PTPRE: variants seen among roughly 807,000 people sequenced by gnomAD.
The protein encoded by PTPRE is receptor-type tyrosine-protein phosphatase epsilon.
In PTPRE, 51 loss-of-function variants were observed where a neutral mutation model predicts 102.0. The observed-to-expected ratio is 0.50, with a 90% CI of 0.40 to 0.63. The LOEUF (loss-of-function observed/expected upper bound fraction) is 0.63, where lower values mean the gene tolerates loss of function less well. Among genes scored for constraint, PTPRE ranks in the 30% least tolerant of loss-of-function variants. The pLI is 0.00. For synonymous variants in PTPRE, 345 were observed against 348.2 expected (o/e 0.99, Z 0.10); for missense variants, 752 against 915.1 (o/e 0.82, Z 2.30).
Position 127,976,548 on chromosome 10 carries a change from T to C in PTPRE, c.-30-5726T>C, listed in dbSNP as rs565357377. On this transcript the variant is annotated intron_variant, in intron 1 of 20. Transcript: ENST00000254667. Reference sequence around the variant, plus strand: ...AATAATTTCTAAAAGTTGCCAAATATTTAGAAGTCCTGCTCGTCTGTCATA... The same window carrying C: ...AATAATTTCTAAAAGTTGCCAAATACTTAGAAGTCCTGCTCGTCTGTCATA... 8.5e-5 allele frequency among the ~76,000 whole-genome samples: 13 copies of C among 152,268 alleles called. 1 individual carries two copies. In the South Asian group the frequency reaches 2.7e-3, roughly 32 times the overall value.
At chr10:127,970,343 T>C (rs1220425555) in intron 1 of PTPRE, among the ~76,000 whole-genome samples, 1 of 152,196 alleles carries the variant, frequency 6.6e-6, no homozygotes, top group Non-Finnish European at 1.5e-5. Flanking sequence ...TAAGCACAGC[T>C]TTGCGGATGA....
At chr10:127,965,977 A>G (rs12255786) in intron 1 of PTPRE, among the ~76,000 whole-genome samples, 5,645 of 152,298 alleles carry the variant, frequency 0.037, 378 homozygotes, top group African/African-American at 0.13. Context: ...ATGCCTCTGC[A>G]AAGTTGCAGG....
intron 1 of PTPRE, among the ~76,000 whole-genome samples, chr10:127,962,525 G>A (rs937787839): frequency 2.6e-5 from 4 of 152,198 alleles, no homozygotes; most frequent in African/African-American, 7.2e-5. Context: ...GGGAGGGGTC[G>A]ATGGAGTGTG....
In PTPRE at chr10:128,085,486, A is replaced by G. The variant is rs1406192722; in HGVS notation, c.*2580A>G. On this transcript the variant is annotated 3_prime_UTR_variant, in exon 21 of 21. Transcript: ENST00000254667. ...GTGACTGCCTTTACGGTTTCTCTCC[A>G]TGTGCTATATGAATGAAGAATGCAT... The G allele has an allele frequency of 1.9e-5, 3 of 154,852 alleles. No homozygotes were observed. The highest frequency in any genetic ancestry group is 2.9e-5 in the Non-Finnish European group (2 of 69,260). 9.6% of individuals were successfully genotyped at this position (154,852 alleles called of 1,614,324 possible). A position where few individuals can be genotyped will look rare whatever the true frequency, so the allele number is the denominator to read the frequency against.
At chr10:128,040,845 A>G (rs201481452) in intron 2 of PTPRE, 30 bp from the exon 3 acceptor site, 4 of 1,575,076 alleles carry the variant, frequency 2.5e-6, no homozygotes, top group African/African-American at 1.3e-5. Flanking sequence ...CTGCTGGATG[A>G]CCTCTGAGCC....
intron 1 of PTPRE, among the ~76,000 whole-genome samples, chr10:127,927,660 C>A (rs1264168975): frequency 6.6e-6 from 1 of 152,146 alleles, no homozygotes; most frequent in Admixed American, 6.5e-5. Flanking sequence ...GGAATTGGGG[C>A]AGCTAGTTTT....
rs144028865 is a variant in PTPRE at position 127,907,849 on chromosome 10, G to C, written c.-31+540G>C. Among the ~76,000 whole-genome samples, 3 of 152,192 alleles carry C rather than the reference G, an allele frequency of 2.0e-5. No individual in the cohort carries two copies. The highest frequency in any genetic ancestry group is 7.2e-5 in the African/African-American group (3 of 41,428). ...GCCTTCCCAGGGAGGCAGGTGGAGC[G>C]GGATGCAGCAGCCGCCGGGGGTCGG... is the stretch of plus-strand genomic sequence containing the variant. On this transcript the variant is annotated intron_variant, in intron 1 of 20. Transcript: ENST00000254667. This position sits in a 1 kb window ranked among gnomAD's most constrained non-coding sequence, Gnocchi z 4.8.
intron 1 of PTPRE, among the ~76,000 whole-genome samples, chr10:127,969,907 C>T (rs1201381172): frequency 6.6e-6 from 1 of 152,184 alleles, no homozygotes; most frequent in Non-Finnish European, 1.5e-5. Flanking sequence ...GGCTGCTGGC[C>T]ATGGGGACCC....
At chr10:128,000,028 G>T in intron 2 of PTPRE, 1 of 947,940 alleles carries the variant, frequency 1.1e-6, no homozygotes, top group Non-Finnish European at 1.3e-6. Flanking sequence ...TCTGTTGCTG[G>T]TTTAGATTGT....
intron 1 of PTPRE, among the ~76,000 whole-genome samples, chr10:127,950,037 C>T (rs1390838760): frequency 6.6e-6 from 1 of 152,102 alleles, no homozygotes; most frequent in African/African-American, 2.4e-5. Flanking sequence ...CCCCCACCAA[C>T]CCTCTTTCCT....
At chr10:128,052,870 A>C (rs932949779) in intron 6 of PTPRE, among the ~76,000 whole-genome samples, 5 of 152,086 alleles carry the variant, frequency 3.3e-5, no homozygotes, top group Non-Finnish European at 7.4e-5. Context: ...AACTGCCCAC[A>C]CCTAGCTTCT....
In PTPRE at chr10:128,042,120, C is replaced by A. The variant is rs375276035; in HGVS notation, c.109+1130C>A. 1.1e-4 allele frequency among the ~76,000 whole-genome samples: 17 copies of A among 152,310 alleles called. No homozygotes were observed. The East Asian group carries it at 2.5e-3, about 22-fold the overall frequency. On this transcript the variant is annotated intron_variant, in intron 3 of 20. Transcript: ENST00000254667. The stretch of plus-strand genomic sequence containing the variant: ...TCTTTGCAAGCCAGCCTTTCAGGGG[C>A]AGGTCACTGGTGGTTCAAAGAGTTA...
At chr10:127,990,454 G>A (rs928213765) in intron 2 of PTPRE, among the ~76,000 whole-genome samples, 8 of 151,166 alleles carry the variant, frequency 5.3e-5, no homozygotes, top group East Asian at 1.9e-4. Context: ...AAAAGAAAGC[G>A]GAGTGACTTA....
At chr10:128,064,538 C>T (rs772889483) in intron 10 of PTPRE, among the ~76,000 whole-genome samples, 1 of 152,204 alleles carries the variant, frequency 6.6e-6, no homozygotes, top group Non-Finnish European at 1.5e-5. Context: ...CAGGGTCCCC[C>T]GTGACCCATG....
chr10:128,076,922 GC>G (rs1361451488), intron 18 of PTPRE, among the ~76,000 whole-genome samples, 194 bp downstream of exon 18: 1 of 152,102 alleles, frequency 6.6e-6, no homozygotes, highest in Non-Finnish European at 1.5e-5. Flanking sequence ...CTCCCTAGCT[GC>G]CTACCTCCCA....
At chr10:128,066,909 T>C (rs71474243) in intron 11 of PTPRE, among the ~76,000 whole-genome samples, 18,470 of 148,636 alleles carry the variant, frequency 0.12, 1,248 homozygotes, top group East Asian at 0.24. Flanking sequence ...CGCACACACA[T>C]ACTCCCACAC....
intron 1 of PTPRE, among the ~76,000 whole-genome samples, chr10:127,980,704 C>T (rs927741836): frequency 2.0e-5 from 3 of 152,096 alleles, no homozygotes; most frequent in African/African-American, 7.2e-5. Context: ...GCTTCAAACA[C>T]ACCTCATGGG....
At chr10:128,017,509 A>C (rs1386809887) in intron 2 of PTPRE, among the ~76,000 whole-genome samples, 1 of 151,934 alleles carries the variant, frequency 6.6e-6, no homozygotes, top group Non-Finnish European at 1.5e-5. Flanking sequence ...GAAGGTACAG[A>C]ATTTCCATAT....
At chr10:127,974,015 T>C (rs1451097195) in intron 1 of PTPRE, among the ~76,000 whole-genome samples, 2 of 152,220 alleles carry the variant, frequency 1.3e-5, no homozygotes, top group Non-Finnish European at 2.9e-5. Context: ...GAATCCACAG[T>C]CCACACTTAG....
Sources: allele counts gnomAD v4.1 joint callset (sites outside exome capture counted in the v4.1 genomes callset), GRCh38; gene constraint gnomAD v4.1.1; non-coding constraint Gnocchi (gnomAD v3.1); transcripts MANE v1.5; gene names NCBI Gene and HGNC (gene_info 2026-07-23, HGNC 2026-07-21).